UPK1B: variants seen among roughly 807,000 people sequenced by gnomAD.
UPK1B encodes uroplakin 1B.
A neutral mutation model predicts 34.2 loss-of-function variants in UPK1B; 28 were observed. The observed-to-expected ratio is 0.82, with a 90% CI of 0.61 to 1.12. The LOEUF is 1.12. Among genes scored for constraint, UPK1B ranks in the 50% most tolerant of loss-of-function variants. The probability of loss-of-function intolerance (pLI) is 0.00; values close to 1 mark genes in which losing one functional copy is unlikely to be tolerated. For missense variants in UPK1B, 325 were observed against 320.9 expected (o/e 1.01, Z -0.10); for synonymous variants, 81 against 110.4 (o/e 0.73, Z 1.67).
intron 5 of UPK1B, among the ~76,000 whole-genome samples, chr3:119,192,848 A>T (rs547413560): frequency 6.6e-6 from 1 of 152,308 alleles, no homozygotes; most frequent in East Asian, 1.9e-4. Context: ...TCTATCTTAT[A>T]AAAAGACTCC....
At chr3:119,191,432 C>A (rs1405238280) in intron 5 of UPK1B, among the ~76,000 whole-genome samples, 2 of 152,086 alleles carry the variant, frequency 1.3e-5, no homozygotes, top group African/African-American at 4.8e-5. Flanking sequence ...ATTTGATCAC[C>A]CAATTTTCTC....
chr3:119,177,613 C>G (rs2077962963), intron 1 of UPK1B, among the ~76,000 whole-genome samples: 1 of 152,236 alleles, frequency 6.6e-6, no homozygotes, highest in African/African-American at 2.4e-5. Context: ...TCTTCTAAGA[C>G]AAACAAAAAC....
At chr3:119,188,416 TAC>T (rs1298156154) in intron 3 of UPK1B, among the ~76,000 whole-genome samples, 2 of 152,258 alleles carry the variant, frequency 1.3e-5, no homozygotes, top group African/African-American at 4.8e-5. Flanking sequence ...AAAATATGCA[TAC>T]ATTTTTAAAA....
rs2078081728 is a variant in UPK1B at position 119,199,420 on chromosome 3, T to G, written c.732+280T>G. On this transcript the variant is annotated intron_variant, in intron 7 of 7. Coordinates refer to ENST00000264234, the MANE Select transcript of UPK1B (RefSeq NM_006952.4). Reference sequence around the variant, plus strand: ...AGAGGGCTGGAGAGCCTCTTTCCCTTGCCAGAGTTCTTAGTGAACTGCTCC... The same window carrying G: ...AGAGGGCTGGAGAGCCTCTTTCCCTGGCCAGAGTTCTTAGTGAACTGCTCC... 1.3e-5 allele frequency among the ~76,000 whole-genome samples: 2 copies of G among 152,226 alleles called. 1 individual carries two copies. Among genetic ancestry groups the G allele is most frequent in the South Asian group, 4.1e-4 (2 of 4,834 alleles).
chr3:119,198,136 A>G (rs2078075058), intron 6 of UPK1B, among the ~76,000 whole-genome samples: 1 of 151,046 alleles, frequency 6.6e-6, no homozygotes, highest in Admixed American at 6.6e-5. Context: ...TCTTAGGAAA[A>G]ACAATAAAAA....
intron 1 of UPK1B, among the ~76,000 whole-genome samples, chr3:119,183,673 C>T (rs2077999810): frequency 6.6e-6 from 1 of 152,158 alleles, no homozygotes; most frequent in South Asian, 2.1e-4. Flanking sequence ...CTCTGCCCTC[C>T]AGAACTGTAA....
In UPK1B at chr3:119,187,830, G is replaced by A; in HGVS notation, c.125G>A (p.Ser42Asn). The change falls in exon 3 of 8, where the codon AGC becomes AAC. Residue 42 changes from serine (S) to asparagine (N), a missense_variant. Physicochemically the swap from Ser to Asn is conservative, Grantham distance 46. Transcript: ENST00000264234. ...ATCTTCTTTGTATCTGACCAACACA[G>A]CCTCTACCCACTGCTTGAAGCCACC... ...ECIFFVSDQH[S>N]LYPLLEATDN... The A allele has an allele frequency of 1.2e-6, 2 of 1,613,734 alleles. No homozygotes were observed. Among genetic ancestry groups the A allele is most frequent in the South Asian group, 2.2e-5 (2 of 91,042 alleles).
chr3:119,188,930 A>C (rs376075198), intron 3 of UPK1B, among the ~76,000 whole-genome samples: 1 of 152,180 alleles, frequency 6.6e-6, no homozygotes, highest in Non-Finnish European at 1.5e-5. Flanking sequence ...GAACATTTAC[A>C]TTCTCTGGTT....
chr3:119,201,976 G>C (rs1365132975), intron 7 of UPK1B, among the ~76,000 whole-genome samples: 1 of 152,120 alleles, frequency 6.6e-6, no homozygotes, highest in Non-Finnish European at 1.5e-5. Flanking sequence ...GAGTATCTTA[G>C]AACTCCAAAC....
chr3:119,177,747 T>C (rs1049154139), intron 1 of UPK1B, among the ~76,000 whole-genome samples: 8 of 152,240 alleles, frequency 5.3e-5, no homozygotes, highest in African/African-American at 1.9e-4. Flanking sequence ...CAATCCAATT[T>C]TTGTGGCTTC....
chr3:119,175,627 T>C (rs558618594), intron 1 of UPK1B, among the ~76,000 whole-genome samples: 4 of 148,994 alleles, frequency 2.7e-5, no homozygotes, highest in African/African-American at 9.9e-5. Context: ...CTCGTGCAAC[T>C]GAGTGCTCCT....
In UPK1B at chr3:119,194,200, A is replaced by G. The variant is rs368056492; in HGVS notation, c.469-19A>G. On this transcript the variant is annotated intron_variant, in intron 5 of 7. Coordinates refer to ENST00000264234, the MANE Select transcript of UPK1B (RefSeq NM_006952.4). ...TAGGGACCACGAAAGAGAATTTTGTATCTCTCATCTGCTGACAGGACAATT... is the reference window on the plus strand; with the variant it reads ...TAGGGACCACGAAAGAGAATTTTGTGTCTCTCATCTGCTGACAGGACAATT... 6.1e-5 allele frequency: 99 copies of G among 1,611,204 alleles called. No homozygotes were observed. The East Asian group carries it at 1.1e-3, about 18-fold the overall frequency.
intron 6 of UPK1B, 42 bp downstream of exon 6, chr3:119,194,440 T>C (rs2078057889): frequency 1.3e-6 from 2 of 1,538,892 alleles, no homozygotes; most frequent in Non-Finnish European, 1.7e-6. Context: ...GAGGTTCTGC[T>C]GCTCTTTATG....
chr3:119,193,585 C>T (rs2078052985), intron 5 of UPK1B, among the ~76,000 whole-genome samples: 1 of 152,104 alleles, frequency 6.6e-6, no homozygotes, highest in South Asian at 2.1e-4. Flanking sequence ...ATTTTTTTCA[C>T]TTTATTTTCT....
intron 1 of UPK1B, among the ~76,000 whole-genome samples, chr3:119,182,265 G>A (rs1384414307): frequency 6.6e-6 from 1 of 152,202 alleles, no homozygotes; most frequent in Non-Finnish European, 1.5e-5. Flanking sequence ...AGTGAACAGA[G>A]GGAAGGTGGA....
chr3:119,179,022 A>C (rs2077972643), intron 1 of UPK1B, among the ~76,000 whole-genome samples: 1 of 152,150 alleles, frequency 6.6e-6, no homozygotes, highest in Non-Finnish European at 1.5e-5. Flanking sequence ...TCTTTCAGAG[A>C]TAGAACCAAA....
intron 1 of UPK1B, among the ~76,000 whole-genome samples, chr3:119,179,372 T>TAG (rs1292943335): frequency 1.2e-4 from 11 of 89,962 alleles, no homozygotes; most frequent in South Asian, 4.3e-4. Context: ...TATATATATA[T>TAG]ATATATATAT....
chr3:119,197,897 G>C (rs1406265946), intron 6 of UPK1B, among the ~76,000 whole-genome samples: 1 of 152,190 alleles, frequency 6.6e-6, no homozygotes, highest in Non-Finnish European at 1.5e-5. Flanking sequence ...AATTAAGTGA[G>C]AAAATGAGAC....
At position 119,194,282 on chromosome 3, in the gene UPK1B, G is replaced by C; in HGVS notation, c.532G>C (p.Glu178Gln). 6.2e-7 allele frequency: 1 copy of C among 1,614,074 alleles called. No homozygotes were observed. Among genetic ancestry groups the C allele is most frequent in the South Asian group, 1.1e-5 (1 of 91,086 alleles). The change falls in exon 6 of 8, where the codon GAG (glutamate) becomes CAG (glutamine). Residue 178 changes from glutamate (E) to glutamine (Q), a missense_variant. Physicochemically the swap from Glu to Gln is conservative, Grantham distance 29. Coordinates refer to ENST00000264234, the MANE Select transcript of UPK1B (RefSeq NM_006952.4). Reference protein sequence around the residue: ...WQKYTSAFRTENNDADYPWPR... With the variant: ...WQKYTSAFRTQNNDADYPWPR... The stretch of plus-strand genomic sequence containing the variant: ...AAAATACACATCTGCCTTCCGGACT[G>C]AGAATAATGATGCTGACTATCCCTG...
Sources: gnomAD v4.1 joint callset for allele counts (sites outside exome capture counted in the v4.1 genomes callset) on GRCh38, gnomAD v4.1.1 for gene constraint, MANE v1.5 for transcripts, NCBI Gene and HGNC (gene_info 2026-07-23, HGNC 2026-07-21) for gene names.